The following CARMIL1 variants were observed in gnomAD, a reference collection of about 807,000 sequenced individuals.
CARMIL1 encodes F-actin-uncapping protein LRRC16A.
Under a neutral mutation model 177.1 loss-of-function variants are expected in CARMIL1, and 90 were observed. The ratio of observed to expected loss-of-function variants is 0.51; its 90% CI spans 0.43 to 0.61. The LOEUF (loss-of-function observed/expected upper bound fraction) is 0.61, where lower values mean the gene tolerates loss of function less well. Among genes scored for constraint, CARMIL1 ranks in the 20% least tolerant of loss-of-function variants. CARMIL1 has a pLI of 0.00. For synonymous variants in CARMIL1, 577 were observed against 606.2 expected, an observed-to-expected ratio of 0.95 and a Z score of 0.71; for missense variants, 1,380 against 1,667.0, an observed-to-expected ratio of 0.83 and a Z score of 3.00.
chr6:25,491,974 C>G lies in CARMIL1; in HGVS notation c.1170C>G (p.Cys390Trp), dbSNP rs1803283006. 6.2e-7 allele frequency: 1 copy of G among 1,613,430 alleles called. No individual in the cohort carries two copies. The highest frequency in any genetic ancestry group is 8.5e-7 in the Non-Finnish European group (1 of 1,179,692). Residue 390 changes from cysteine to tryptophan, a missense_variant, in exon 15 of 37, where the codon TGC (cysteine) becomes TGG (tryptophan). Physicochemically the swap from Cys to Trp is radical, Grantham distance 215 (BLOSUM62 -2). Coordinates refer to ENST00000329474, the MANE Select transcript of CARMIL1 (RefSeq NM_017640.6). The part of the protein sequence containing the change: ...DMVCGALLRG[C>W]LQYLAVLNLS... ...TCTGTGGAGCTCTTCTCCGTGGATGCCTTCAATATTTAGCTGTGCTCAACC... is the reference window on the plus strand; with the variant it reads ...TCTGTGGAGCTCTTCTCCGTGGATGGCTTCAATATTTAGCTGTGCTCAACC...
intron 8 of CARMIL1, chr6:25,451,986 G>GCCCTC: frequency 8.9e-6 from 1 of 112,672 alleles, no homozygotes; most frequent in Non-Finnish European, 1.7e-5. Context: ...CTAGCATCTT[G>GCCCTC]CCCCCCCCTC....
chr6:25,618,630 T>TTTTTG (rs1289801840), intron 36 of CARMIL1, among the ~76,000 whole-genome samples: 1 of 152,222 alleles, frequency 6.6e-6, no homozygotes, highest in African/African-American at 2.4e-5. Flanking sequence ...AAAACCTGCC[T>TTTTTG]TACAGAAGGT....
chr6:25,426,316 G>A (rs1000860774), intron 3 of CARMIL1, among the ~76,000 whole-genome samples, 185 bp from the exon 4 acceptor site: 2 of 151,046 alleles, frequency 1.3e-5, no homozygotes, highest in East Asian at 3.9e-4. Context: ...GATAAATCAT[G>A]TTTCTATCTT....
chr6:25,450,486 C>T lies in CARMIL1; in HGVS notation c.540+77C>T, dbSNP rs1798676227. On this transcript the variant is annotated intron_variant, in intron 7 of 36. Coordinates refer to ENST00000329474, the MANE Select transcript of CARMIL1 (RefSeq NM_017640.6). Reference sequence around the variant, plus strand: ...TCTAATGTTTGGCTGGCTTGTTTTTCTTTTTTTCCCTTCATTTATTTTTCA... The same window carrying T: ...TCTAATGTTTGGCTGGCTTGTTTTTTTTTTTTTCCCTTCATTTATTTTTCA... 8 of 1,300,280 alleles carry T rather than the reference C, an allele frequency of 6.2e-6. No homozygotes were observed. In the Admixed American group the frequency reaches 1.0e-4, roughly 17 times the overall value. 80.5% of individuals were successfully genotyped at this position (1,300,280 alleles called of 1,614,324 possible). A position where few individuals can be genotyped will look rare whatever the true frequency, so the allele number is the denominator to read the frequency against.
At chr6:25,390,293 CATATATAT>C (rs397887367) in intron 2 of CARMIL1, among the ~76,000 whole-genome samples, 969 of 84,804 alleles carry the variant, frequency 0.011, 38 homozygotes, top group African/African-American at 0.026. Context: ...TATATATTTA[CATATATAT>C]ATATATATAT....
intron 2 of CARMIL1, among the ~76,000 whole-genome samples, chr6:25,296,935 T>TCTATCTATCTATC (rs11414122): frequency 1.9e-4 from 26 of 136,444 alleles, no homozygotes; most frequent in South Asian, 7.3e-4. Context: ...CTATCTATCT[T>TCTATCTATCTATC]TAACTAACTA....
intron 8 of CARMIL1, chr6:25,452,003 C>CCCCCCACA: frequency 3.4e-6 from 1 of 294,088 alleles, no homozygotes; most frequent in South Asian, 3.3e-5. Flanking sequence ...CCTCCCCCCC[C>CCCCCCACA]CAGAATACTG....
At chr6:25,382,656 C>T (rs9467480) in intron 2 of CARMIL1, among the ~76,000 whole-genome samples, 22,563 of 151,968 alleles carry the variant, frequency 0.15, 1,723 homozygotes, top group African/African-American at 0.19. Context: ...CTGATTGGTG[C>T]GTTTTTACAG....
chr6:25,481,102 ATT>A (rs796145326), intron 11 of CARMIL1, among the ~76,000 whole-genome samples: 2 of 141,432 alleles, frequency 1.4e-5, no homozygotes, highest in Admixed American at 7.1e-5. Flanking sequence ...TTAGTCACTT[ATT>A]TTTTTTTTTT....
intron 5 of CARMIL1, among the ~76,000 whole-genome samples, chr6:25,441,610 GA>G (rs1797792347): frequency 6.6e-6 from 1 of 151,812 alleles, no homozygotes; most frequent in South Asian, 2.1e-4. Flanking sequence ...CATCTGTAAA[GA>G]AGAAAATTTA....
At position 25,395,307 on chromosome 6, in the gene CARMIL1, T is replaced by C. The variant is rs183875377; in HGVS notation, c.139-24807T>C. On this transcript the variant is annotated intron_variant, in intron 2 of 36. Transcript: ENST00000329474. ...ACTGCTGTGACATCATTAGTCAACA[T>C]TGGTTGAGTGACAGAGTAAATAAGG... Among the ~76,000 whole-genome samples, 4 of 152,324 alleles carry C rather than the reference T, an allele frequency of 2.6e-5. No homozygotes were observed. In the East Asian group the frequency reaches 7.7e-4, roughly 29 times the overall value.
intron 2 of CARMIL1, among the ~76,000 whole-genome samples, chr6:25,396,350 AT>A (rs57357476): frequency 0.094 from 13,631 of 145,246 alleles, 662 homozygotes; most frequent in Non-Finnish European, 0.12. Context: ...TCATGTTTTA[AT>A]TTTTTTTTTT....
At chr6:25,593,763 C>A (rs1393404114) in intron 31 of CARMIL1, among the ~76,000 whole-genome samples, 1 of 152,198 alleles carries the variant, frequency 6.6e-6, no homozygotes, top group Non-Finnish European at 1.5e-5. Flanking sequence ...CAGAAAAACA[C>A]ATTCTCTCCT....
rs9467515 is a variant in CARMIL1, at chr6:25,435,530, A to G, written c.297A>G (p.Ser99=). ...EKCSISMKMA[S]PEDVSEVLAH... ...GCAGCATTTCCATGAAGATGGCGTC[A>G]CCCGAGGACGTGAGTGAGGTGCTGG... Residue 99 remains serine (S), a synonymous_variant, in exon 5 of 37, where the codon TCA becomes TCG. Coordinates refer to ENST00000329474, the MANE Select transcript of CARMIL1 (RefSeq NM_017640.6). The G allele has an allele frequency of 0.45, 697,006 of 1,552,760 alleles. 157,747 individuals are homozygous for G. Among genetic ancestry groups the G allele is most frequent in the Middle Eastern group, 0.52 (3,110 of 5,986 alleles).
In CARMIL1 at chr6:25,586,338, G is replaced by A. The variant is rs1259104601; in HGVS notation, c.3006+4899G>A. ...GACGGGGTCGCGGCCGGGCAGAGGC[G>A]CTCCTCACATCCCAGACGGGGTGGC... is the stretch of plus-strand genomic sequence containing the variant. On this transcript the variant is annotated intron_variant, in intron 31 of 36. Coordinates refer to ENST00000329474, the MANE Select transcript of CARMIL1 (RefSeq NM_017640.6). 5.4e-5 allele frequency among the ~76,000 whole-genome samples: 8 copies of A among 147,944 alleles called. No homozygotes were observed. In the East Asian group the frequency reaches 1.4e-3, roughly 26 times the overall value.
At chr6:25,390,721 G>A (rs531728329) in intron 2 of CARMIL1, among the ~76,000 whole-genome samples, 1 of 152,116 alleles carries the variant, frequency 6.6e-6, no homozygotes, top group Admixed American at 6.5e-5. Context: ...CGACAGTCTC[G>A]CTCTGTCAGC....
At position 25,551,011 on chromosome 6, in the gene CARMIL1, G is replaced by T; in HGVS notation, c.2430G>T (p.Lys810Asn). Residue 810 changes from lysine to asparagine, a missense_variant, in exon 27 of 37, where the codon AAG becomes AAT. Coordinates refer to ENST00000329474, the MANE Select transcript of CARMIL1 (RefSeq NM_017640.6). ...ACTTGATTCATGCCAGCACCGAAAAGATTTCTATTCCACGTACCTTTGTTA... is the reference window on the plus strand; with the variant it reads ...ACTTGATTCATGCCAGCACCGAAAATATTTCTATTCCACGTACCTTTGTTA... ...RQDLIHASTEKISIPRTFVKN... is the reference protein window; with the variant it reads ...RQDLIHASTENISIPRTFVKN... The T allele has an allele frequency of 3.7e-6, 6 of 1,613,526 alleles. No individual in the cohort carries two copies. Among genetic ancestry groups the T allele is most frequent in the Non-Finnish European group, 4.2e-6 (5 of 1,179,560 alleles).
intron 2 of CARMIL1, among the ~76,000 whole-genome samples, chr6:25,369,379 G>GTTTTTTTTT (rs5875032): frequency 7.1e-6 from 1 of 140,850 alleles, no homozygotes; most frequent in Non-Finnish European, 1.5e-5. Flanking sequence ...GCTGTATTTT[G>GTTTTTTTTT]TTTTTTTTTT....
chr6:25,295,769 G>T (rs1782329091), intron 2 of CARMIL1, among the ~76,000 whole-genome samples: 1 of 152,216 alleles, frequency 6.6e-6, no homozygotes, highest in South Asian at 2.1e-4. Context: ...GAATGAGAAA[G>T]TCCTGTGACT....
Sources: allele counts gnomAD v4.1 joint callset (sites outside exome capture counted in the v4.1 genomes callset), GRCh38; gene constraint gnomAD v4.1.1; transcripts MANE v1.5; gene names NCBI Gene and HGNC (gene_info 2026-07-23, HGNC 2026-07-21).